Variants in GRID1 observed in about 807,000 individuals in gnomAD.
GRID1 encodes the protein glutamate receptor ionotropic, delta-1.
A neutral mutation model predicts 98.0 loss-of-function variants in GRID1; 28 were observed. The observed-to-expected ratio is 0.29, with a 90% CI of 0.21 to 0.39. The LOEUF (loss-of-function observed/expected upper bound fraction) is 0.39, where lower values mean the gene tolerates loss of function less well. Among genes scored for constraint, GRID1 ranks in the 10% least tolerant of loss-of-function variants. The probability of loss-of-function intolerance (pLI) is 1.00; values close to 1 mark genes in which losing one functional copy is unlikely to be tolerated. For missense variants in GRID1, 1,111 were observed against 1,340.5 expected (o/e 0.83, Z 2.67); for synonymous variants, 553 against 538.5 (o/e 1.03, Z -0.37).
chr10:85,905,818 T>C (rs990286167), intron 5 of GRID1, among the ~76,000 whole-genome samples: 4 of 151,966 alleles, frequency 2.6e-5, no homozygotes, highest in Admixed American at 6.6e-5. Flanking sequence ...AATTCACCCA[T>C]AAGAGGTTTT....
rs1165010575 is a variant in GRID1 at position 86,018,847 on chromosome 10, C to T, written c.727-102608G>A. On this transcript the variant is annotated intron_variant, in intron 4 of 15. Coordinates refer to ENST00000327946, the MANE Select transcript of GRID1 (RefSeq NM_017551.3). ...ACTCAGGGTTTTAACACCACCCATA[C>T]AATATTGTCTTCTTTTTTCTCATGA... Among the ~76,000 whole-genome samples the T allele has an allele frequency of 2.0e-5, 3 of 152,224 alleles. No individual in the cohort carries two copies. In the East Asian group the frequency reaches 5.8e-4, roughly 29 times the overall value.
At chr10:85,649,635 A>C (rs1288593357) in intron 12 of GRID1, among the ~76,000 whole-genome samples, 1 of 152,164 alleles carries the variant, frequency 6.6e-6, no homozygotes, top group Non-Finnish European at 1.5e-5. Flanking sequence ...ATGAGTGTGG[A>C]ATGAATGGGT....
chr10:86,090,183 C>T (rs530875952), intron 4 of GRID1, among the ~76,000 whole-genome samples: 31 of 151,386 alleles, frequency 2.0e-4, no homozygotes, highest in Admixed American at 1.4e-3. Context: ...TTTGGGAGGT[C>T]GAGGTGGGGG....
chr10:85,607,646 C>G (rs992296921), intron 15 of GRID1, among the ~76,000 whole-genome samples: 8 of 152,078 alleles, frequency 5.3e-5, no homozygotes, highest in African/African-American at 1.9e-4. Flanking sequence ...AGCGAACCGA[C>G]AATGACTTCA....
chr10:86,204,297 C>T (rs1434270632), intron 3 of GRID1, among the ~76,000 whole-genome samples: 1 of 152,146 alleles, frequency 6.6e-6, no homozygotes, highest in African/African-American at 2.4e-5. Flanking sequence ...AGGGGCTACT[C>T]TATGCCAGGC....
At chr10:85,764,319 C>T (rs1270441409) in intron 8 of GRID1, among the ~76,000 whole-genome samples, 2 of 152,210 alleles carry the variant, frequency 1.3e-5, no homozygotes, top group African/African-American at 4.8e-5. Flanking sequence ...AGTAGGGGCA[C>T]ATCTGGCAAA....
rs559451637 is a variant in GRID1 at position 86,226,643 on chromosome 10, G to A, written c.236-19995C>T. Among the ~76,000 whole-genome samples the A allele has an allele frequency of 3.7e-4, 31 of 82,956 alleles. 1 individual carries two copies. The highest frequency in any genetic ancestry group is 1.3e-3 in the African/African-American group (26 of 19,880). The allele number at this position is 82,956 out of a possible 152,430, so 54.4% of individuals were successfully genotyped here. On this transcript the variant is annotated intron_variant, in intron 2 of 15. Transcript: ENST00000327946. ...CACCCCAGCATACCCTCCCACCCCA[G>A]CATACCCTCCCACCTTCAGTTTTCC...
At chr10:85,697,395 C>T (rs1427406128) in intron 12 of GRID1, among the ~76,000 whole-genome samples, 3 of 152,104 alleles carry the variant, frequency 2.0e-5, no homozygotes, top group Admixed American at 2.0e-4. Context: ...TACTCTATGG[C>T]ATAAAGTCCA....
chr10:85,847,656 C>T (rs1406754254), intron 8 of GRID1, among the ~76,000 whole-genome samples: 3 of 151,418 alleles, frequency 2.0e-5, no homozygotes, highest in Admixed American at 6.6e-5. Context: ...AATGTAAAAG[C>T]TAGGCCATCA....
rs1841987006 is a variant in GRID1 at position 85,745,490 on chromosome 10, C to T, written c.1234-15876G>A. On this transcript the variant is annotated intron_variant, in intron 8 of 15. Transcript: ENST00000327946. ...CGCAAGAACGAAAAACCAAACACCG[C>T]ATATTCTCACTCATAGGTGGGAATT... Among the ~76,000 whole-genome samples, 3 of 131,442 alleles carry T rather than the reference C, an allele frequency of 2.3e-5. 1 individual carries two copies. Among genetic ancestry groups the T allele is most frequent in the African/African-American group, 8.9e-5 (3 of 33,872 alleles). The allele number at this position is 131,442 out of a possible 152,430, so 86.2% of individuals were successfully genotyped here.
In GRID1 at chr10:86,246,406, A is replaced by G. The variant is rs565929424; in HGVS notation, c.236-39758T>C. ...CCTGTCTGCTATCTGAGAGGAGCCCAGCCCTGGCCACCAACAGAAGGAACA... is the reference window on the plus strand; with the variant it reads ...CCTGTCTGCTATCTGAGAGGAGCCCGGCCCTGGCCACCAACAGAAGGAACA... On this transcript the variant is annotated intron_variant, in intron 2 of 15. Transcript: ENST00000327946. 1.2e-3 allele frequency among the ~76,000 whole-genome samples: 185 copies of G among 152,300 alleles called. 1 individual carries two copies. The highest frequency in any genetic ancestry group is 4.4e-3 in the African/African-American group (184 of 41,566).
intron 15 of GRID1, among the ~76,000 whole-genome samples, chr10:85,607,778 G>C (rs938065197): frequency 1.1e-4 from 16 of 151,986 alleles, no homozygotes; most frequent in African/African-American, 3.4e-4. Flanking sequence ...ACATCTACCA[G>C]GTTCCCAAAC....
intron 13 of GRID1, chr10:85,643,958 G>A (rs1168660239): frequency 6.6e-6 from 1 of 152,132 alleles, no homozygotes; most frequent in Non-Finnish European, 1.5e-5. Flanking sequence ...GACGGTGAGT[G>A]GTTTCCTAAG....
intron 13 of GRID1, among the ~76,000 whole-genome samples, chr10:85,635,154 T>C (rs144862950): frequency 6.6e-6 from 1 of 152,040 alleles, no homozygotes; most frequent in South Asian, 2.1e-4. Flanking sequence ...TATCAAATTA[T>C]AAAAATCGTA....
intron 2 of GRID1, among the ~76,000 whole-genome samples, chr10:86,222,142 T>C (rs1327151445): frequency 6.6e-6 from 1 of 152,044 alleles, no homozygotes; most frequent in Non-Finnish European, 1.5e-5. Flanking sequence ...TCTCATGGCA[T>C]CCTCCCAGGC....
chr10:85,671,136 A>G (rs1412379292), intron 12 of GRID1, among the ~76,000 whole-genome samples: 3 of 151,520 alleles, frequency 2.0e-5, no homozygotes, highest in Non-Finnish European at 4.4e-5. Flanking sequence ...TACTGCCAAC[A>G]CCCTCCTTTC....
intron 12 of GRID1, among the ~76,000 whole-genome samples, chr10:85,710,681 A>T (rs2132635465): frequency 6.6e-6 from 1 of 152,248 alleles, no homozygotes; most frequent in Non-Finnish European, 1.5e-5. Flanking sequence ...GCAACCTGCT[A>T]ATAGAAAAAT....
intron 2 of GRID1, among the ~76,000 whole-genome samples, chr10:86,317,060 C>T (rs1847910045): frequency 6.6e-6 from 1 of 152,212 alleles, no homozygotes; most frequent in South Asian, 2.1e-4. Flanking sequence ...CAGTACAGAA[C>T]AACACACATC....
intron 3 of GRID1, among the ~76,000 whole-genome samples, chr10:86,179,395 G>T (rs1014025592): frequency 6.6e-6 from 1 of 152,114 alleles, no homozygotes; most frequent in African/African-American, 2.4e-5. Context: ...CCCCGATGGC[G>T]TGCCAGGCAG....
Sources: allele counts gnomAD v4.1 joint callset (sites outside exome capture counted in the v4.1 genomes callset), GRCh38; gene constraint gnomAD v4.1.1; transcripts MANE v1.5; gene names NCBI Gene and HGNC (gene_info 2026-07-23, HGNC 2026-07-21).